Variants in WASHC2A observed in about 807,000 individuals in gnomAD.
WASHC2A encodes WASH complex subunit FAM21A.
WASHC2A carries 82 observed loss-of-function variants against 140.3 expected under a neutral mutation model. The ratio of observed to expected loss-of-function variants is 0.58; its 90% CI spans 0.49 to 0.70. The LOEUF is 0.70. WASHC2A is among the 30% of genes least tolerant of loss of function. The pLI is 0.00. For synonymous variants in WASHC2A, 340 were observed against 560.8 expected, an observed-to-expected ratio of 0.61 and a Z score of 5.56; for missense variants, 985 against 1,521.8, an observed-to-expected ratio of 0.65 and a Z score of 5.87.
At chr10:50,120,422 C>T (rs1239732271) in intron 23 of WASHC2A, among the ~76,000 whole-genome samples, 3 of 146,134 alleles carry the variant, frequency 2.1e-5, no homozygotes, top group Admixed American at 2.0e-4. Context: ...GAGATCGAGA[C>T]CATCCTGGCC....
chr10:50,081,674 T>G lies in WASHC2A; in HGVS notation c.528+743T>G, dbSNP rs1334628620. ...TTTGAGACGGAGTTTCACTCTGTCC[T>G]CCAGGCTGGAGTGCATGGCACGATG... On this transcript the variant is annotated intron_variant, in intron 5 of 30. Transcript: ENST00000282633. 1.4e-4 allele frequency among the ~76,000 whole-genome samples: 21 copies of G among 151,112 alleles called. 2 individuals carry two copies. The East Asian group carries it at 1.6e-3, about 11-fold the overall frequency.
At chr10:50,090,640 C>T (rs1839847774) in intron 8 of WASHC2A, 136 bp from the exon 9 acceptor site, 13 of 668,200 alleles carry the variant, frequency 1.9e-5, no homozygotes, top group Non-Finnish European at 2.7e-5. Flanking sequence ...TCTTTTGCTT[C>T]ATAACTTGCT....
In WASHC2A at chr10:50,081,449, G is replaced by A. The variant is rs1432635218; in HGVS notation, c.528+518G>A. The stretch of plus-strand genomic sequence containing the variant: ...AAATGAAGCTGCTGTGAGCATTCAC[G>A]TCCAGGCTCCCTCATAGCCTAGTGA... On this transcript the variant is annotated intron_variant, in intron 5 of 30. Transcript: ENST00000282633. 2.1e-4 allele frequency among the ~76,000 whole-genome samples: 23 copies of A among 108,922 alleles called. 3 individuals carry two copies. Among genetic ancestry groups the A allele is most frequent in the Non-Finnish European group, 3.4e-4 (17 of 50,170 alleles). The allele number at this position is 108,922 out of a possible 152,430, so 71.5% of individuals were successfully genotyped here. A position where few individuals can be genotyped will look rare whatever the true frequency, so the allele number is the denominator to read the frequency against.
At chr10:50,114,755 ACTCC>A (rs1554891483) in intron 21 of WASHC2A, among the ~76,000 whole-genome samples, 1 of 40,824 alleles carries the variant, frequency 2.4e-5, no homozygotes, top group Non-Finnish European at 4.4e-5. Context: ...TTAGAAATAA[ACTCC>A]AAACAAAAAA....
intron 27 of WASHC2A, 101 bp downstream of exon 27, chr10:50,127,323 C>T: frequency 5.0e-6 from 8 of 1,599,638 alleles, no homozygotes; most frequent in Non-Finnish European, 6.8e-6. Context: ...CTTCTCATCT[C>T]TTCCCCCGCC....
At chr10:50,086,596 T>G (rs1387692772) in intron 7 of WASHC2A, among the ~76,000 whole-genome samples, 2 of 77,478 alleles carry the variant, frequency 2.6e-5, no homozygotes, top group Non-Finnish European at 4.7e-5. Context: ...CCCTCCCCCC[T>G]CCCCCCACCC....
chr10:50,125,913 G>T (rs1306261935), intron 25 of WASHC2A, 144 bp from the exon 26 acceptor site: 1 of 929,272 alleles, frequency 1.1e-6, no homozygotes, highest in South Asian at 1.8e-5. Context: ...TGCTATTTCT[G>T]AAATGCTACC....
chr10:50,091,459 A>G lies in WASHC2A; in HGVS notation c.872A>G (p.Asp291Gly). The change falls in exon 10 of 31, where the codon GAT (aspartate) becomes GGT (glycine). Residue 291 changes from aspartate (D) to glycine (G), a missense_variant. By Grantham distance (94) the Asp-to-Gly change is moderately conservative. Transcript: ENST00000282633. ...PKRSRPTSFA[D>G]ELAARIKGDA... ...AGAAGCAGACCTACATCGTTTGCAG[A>G]TGAGCTGGCTGCCCGCATCAAGGGG... The G allele has an allele frequency of 1.3e-6, 2 of 1,550,612 alleles. No homozygotes were observed. Among genetic ancestry groups the G allele is most frequent in the Non-Finnish European group, 1.7e-6 (2 of 1,147,170 alleles).
chr10:50,132,122 G>A (rs1023017575), intron 30 of WASHC2A, among the ~76,000 whole-genome samples: 1 of 152,190 alleles, frequency 6.6e-6, no homozygotes, highest in Non-Finnish European at 1.5e-5. Context: ...TGGTGTGCAC[G>A]ATTTCTTTGT....
Position 50,105,443 on chromosome 10 carries a change from A to G in WASHC2A, c.1738-891A>G, listed in dbSNP as rs1477958826. ...GTGGCAGCTGTAACTACTAGTGTGAAGCTCTTGCAGAGTGCTGGCACATAA... is the reference window on the plus strand; with the variant it reads ...GTGGCAGCTGTAACTACTAGTGTGAGGCTCTTGCAGAGTGCTGGCACATAA... On this transcript the variant is annotated intron_variant, in intron 18 of 30. Coordinates refer to ENST00000282633, the MANE Select transcript of WASHC2A (RefSeq NM_001005751.3). 3.5e-3 allele frequency among the ~76,000 whole-genome samples: 273 copies of G among 77,250 alleles called. 19 individuals carry two copies. Among genetic ancestry groups the G allele is most frequent in the Middle Eastern group, 0.021 (3 of 146 alleles). 50.7% of individuals were successfully genotyped at this position (77,250 alleles called of 152,430 possible).
At chr10:50,101,842 C>G (rs1554886931) in intron 17 of WASHC2A, among the ~76,000 whole-genome samples, 3 of 148,020 alleles carry the variant, frequency 2.0e-5, no homozygotes, top group Admixed American at 6.8e-5. Context: ...ATGTCTGGTA[C>G]CTGGGCACTG....
At position 50,104,107 on chromosome 10, in the gene WASHC2A, C is replaced by A. The variant is rs1304625144; in HGVS notation, c.1701C>A (p.Pro567=). The change falls in exon 18 of 31, where the codon CCC becomes CCA. Residue 567 remains proline (P), a synonymous_variant. Coordinates refer to ENST00000282633, the MANE Select transcript of WASHC2A (RefSeq NM_001005751.3). ...KGASLLPGKL[P]TLVSLFDDED... The stretch of plus-strand genomic sequence containing the variant: ...CGTCTCTGCTGCCTGGCAAGCTCCC[C>A]ACGTTGGTTTCCCTGTTTGATGATG... 1.5e-5 allele frequency: 22 copies of A among 1,456,292 alleles called. 5 individuals are homozygous for A. The highest frequency in any genetic ancestry group is 1.9e-5 in the Admixed American group (1 of 51,778). The allele number at this position is 1,456,292 out of a possible 1,614,324, so 90.2% of individuals were successfully genotyped here.
chr10:50,095,468 T>A, intron 14 of WASHC2A, 131 bp from the exon 15 acceptor site: 1 of 1,377,352 alleles, frequency 7.3e-7, no homozygotes, highest in African/African-American at 1.4e-5. Context: ...GGATGGAGGC[T>A]ATTGGGCCCT....
intron 17 of WASHC2A, among the ~76,000 whole-genome samples, chr10:50,101,408 C>G: frequency 6.6e-6 from 1 of 152,312 alleles, no homozygotes; most frequent in Non-Finnish European, 1.5e-5. Flanking sequence ...CTAGCACATA[C>G]CACGCTGTGC....
chr10:50,133,172 C>A lies in WASHC2A; in HGVS notation c.*227C>A. ...GTTGGTTTGTTTTGTTTTTAAACCA[C>A]AGTTTGATTTAGTTAGCCTTGCTGG... On this transcript the variant is annotated 3_prime_UTR_variant, in exon 31 of 31. Coordinates refer to ENST00000282633, the MANE Select transcript of WASHC2A (RefSeq NM_001005751.3). 3 of 646,924 alleles carry A rather than the reference C, an allele frequency of 4.6e-6. No homozygotes were observed. The highest frequency in any genetic ancestry group is 8.1e-6 in the Non-Finnish European group (3 of 368,252). 40.1% of individuals were successfully genotyped at this position (646,924 alleles called of 1,614,324 possible).
Position 50,110,192 on chromosome 10 carries a change from A to T in WASHC2A, c.1961A>T (p.Gln654Leu). 1 of 1,611,816 alleles carries T rather than the reference A, an allele frequency of 6.2e-7. No homozygotes were observed. Among genetic ancestry groups the T allele is most frequent in the South Asian group, 1.1e-5 (1 of 90,952 alleles). The stretch of plus-strand genomic sequence containing the variant: ...AGGGATTCTGGGACCCTCCAGAGCC[A>T]GGAGGCCAAGGCTGTGAAAAAGACC... The part of the protein sequence containing the change: ...EPRDSGTLQS[Q>L]EAKAVKKTSL... Residue 654 changes from glutamine (Q) to leucine (L), a missense_variant, in exon 20 of 31, where the codon CAG (glutamine) becomes CTG (leucine). Physicochemically the swap from Gln to Leu is moderately radical, Grantham distance 113. Transcript: ENST00000282633.
intron 21 of WASHC2A, among the ~76,000 whole-genome samples, chr10:50,116,377 G>A (rs868980842): frequency 1.2e-5 from 1 of 83,286 alleles, no homozygotes. Context: ...GTGCAGTGGC[G>A]CATCTTGGCT....
chr10:50,072,459 T>C (rs1289168780), intron 3 of WASHC2A, among the ~76,000 whole-genome samples: 3 of 150,296 alleles, frequency 2.0e-5, no homozygotes, highest in Non-Finnish European at 4.4e-5. Context: ...TAGTTGCTGA[T>C]ATATATTTGT....
At position 50,129,546 on chromosome 10, in the gene WASHC2A, G is replaced by A. The variant is rs750575494; in HGVS notation, c.3215G>A (p.Gly1072Asp). The change falls in exon 29 of 31, where the codon GGC (glycine) becomes GAC (aspartate). Residue 1072 changes from glycine (G) to aspartate (D), a missense_variant. Physicochemically the swap from Gly to Asp is moderately conservative, Grantham distance 94 (BLOSUM62 -1). Transcript: ENST00000282633. ...PRGPIAQWAD[G>D]AISPNGHRPQ... ...GGACCCATTGCACAGTGGGCTGATG[G>A]CGCCATTTCCCCAAATGGCCATCGG... is the stretch of plus-strand genomic sequence containing the variant. 1 of 1,611,978 alleles carries A rather than the reference G, an allele frequency of 6.2e-7. No individual in the cohort carries two copies. The highest frequency in any genetic ancestry group is 8.5e-7 in the Non-Finnish European group (1 of 1,179,842).
Sources: gnomAD v4.1 joint callset for allele counts (sites outside exome capture counted in the v4.1 genomes callset) on GRCh38, gnomAD v4.1.1 for gene constraint, MANE v1.5 for transcripts, NCBI Gene and HGNC (gene_info 2026-07-23, HGNC 2026-07-21) for gene names.